The following ORC3 variants were observed in gnomAD, a reference collection of about 807,000 sequenced individuals.
The protein encoded by ORC3 is origin recognition complex subunit 3.
Under a neutral mutation model 100.7 loss-of-function variants are expected in ORC3, and 78 were observed. That is an observed-to-expected ratio of 0.77 (90% CI 0.65 to 0.94). The LOEUF (loss-of-function observed/expected upper bound fraction) is 0.94. Ranked by LOEUF, ORC3 falls within the 40% of genes least tolerant of loss-of-function variation. The pLI, the probability that ORC3 is intolerant of heterozygous loss-of-function variation, is 0.00. For synonymous variants in ORC3, 295 were observed against 289.3 expected (o/e 1.02, Z -0.20); for missense variants, 789 against 823.9 (o/e 0.96, Z 0.52).
the ORC3 span, chr6:87,675,096 A>G: frequency 6.5e-6 from 1 of 153,374 alleles, no homozygotes; most frequent in Non-Finnish European, 1.5e-5. Flanking sequence ...TGAAACCCCA[A>G]GAAGTCCTGG....
intron 2 of ORC3, among the ~76,000 whole-genome samples, chr6:87,598,278 C>T (rs1777614672): frequency 2.0e-5 from 3 of 152,168 alleles, no homozygotes; most frequent in Admixed American, 2.0e-4. Flanking sequence ...CTGCCTTGGC[C>T]TCCCAAAGCG....
At chr6:87,593,137 C>G (rs1777167643) in intron 1 of ORC3, among the ~76,000 whole-genome samples, 1 of 152,024 alleles carries the variant, frequency 6.6e-6, no homozygotes, top group Non-Finnish European at 1.5e-5. Flanking sequence ...AGCTATCCAT[C>G]ATGTATGACT....
intron 9 of ORC3, among the ~76,000 whole-genome samples, chr6:87,617,206 CAT>C (rs1491563346): frequency 2.0e-5 from 3 of 152,002 alleles, no homozygotes; most frequent in Admixed American, 6.6e-5. Flanking sequence ...CTGGACCATG[CAT>C]GTGTGTGTGT....
the ORC3 span, chr6:87,676,044 A>G: frequency 1.2e-6 from 1 of 826,098 alleles, no homozygotes; most frequent in South Asian, 1.7e-5. Context: ...AATCACTTAC[A>G]TAACCTCAGT....
intron 8 of ORC3, 85 bp downstream of exon 8, chr6:87,612,333 C>A: frequency 1.2e-6 from 1 of 807,154 alleles, no homozygotes. Context: ...TAACAATAAG[C>A]CTCTACAACT....
At chr6:87,609,257 G>T in intron 7 of ORC3, 28 bp downstream of exon 7, 1 of 1,490,938 alleles carries the variant, frequency 6.7e-7, no homozygotes, top group Non-Finnish European at 9.0e-7. Flanking sequence ...TGGCTTTTAT[G>T]AAAAACTCCC....
the ORC3 span, among the ~76,000 whole-genome samples, chr6:87,673,665 ACC>A: frequency 5.9e-5 from 9 of 151,776 alleles, no homozygotes; most frequent in Admixed American, 1.3e-4. Flanking sequence ...ACATGGTGAA[ACC>A]CCGTCTCTAC....
At chr6:87,638,153 G>T (rs1176028116) in intron 13 of ORC3, among the ~76,000 whole-genome samples, 2 of 152,198 alleles carry the variant, frequency 1.3e-5, no homozygotes, top group Admixed American at 6.5e-5. Flanking sequence ...CTAAGCTGAG[G>T]TCAGAAACAT....
chr6:87,656,969 A>C lies in ORC3; in HGVS notation c.1580A>C (p.Tyr527Ser). The C allele has an allele frequency of 6.2e-7, 1 of 1,608,944 alleles. No homozygotes were observed. Among genetic ancestry groups the C allele is most frequent in the South Asian group, 1.1e-5 (1 of 91,008 alleles). Residue 527 changes from tyrosine to serine, a missense_variant, in exon 15 of 20, where the codon TAT becomes TCT. Coordinates refer to ENST00000392844, the MANE Select transcript of ORC3 (RefSeq NM_012381.4). Reference protein sequence around the residue: ...QPKGLQKTDLYHLQKSLLEMK... With the variant: ...QPKGLQKTDLSHLQKSLLEMK... ...AAGGGGCTTCAGAAGACAGACCTCT[A>C]TCATCTTCAGAAGGTCAGGTCACTC...
chr6:87,664,760 C>A lies in ORC3; in HGVS notation c.1851C>A (p.Ser617Arg). Reference protein sequence around the residue: ...YYYLKNEALKSEEGCIPNIAP... With the variant: ...YYYLKNEALKREEGCIPNIAP... ...ATTGTTAGAATGAAGCACTGAAAAG[C>A]GAAGAAGGCTGCATTCCGAATATCG... Residue 617 changes from serine to arginine, a missense_variant, in exon 18 of 20, where the codon AGC becomes AGA. Physicochemically the swap from Ser to Arg is moderately radical, Grantham distance 110 (BLOSUM62 -1). Around this residue, in one of 3 missense-constraint regions of ORC3, gnomAD observed 366 missense variants for 394.2 expected, o/e 0.93. Transcript: ENST00000392844. The A allele has an allele frequency of 6.2e-7, 1 of 1,613,686 alleles. No individual in the cohort carries two copies. Among genetic ancestry groups the A allele is most frequent in the Non-Finnish European group, 8.5e-7 (1 of 1,179,686 alleles).
chr6:87,625,500 A>C (rs1478240772), intron 11 of ORC3, among the ~76,000 whole-genome samples: 1 of 152,164 alleles, frequency 6.6e-6, no homozygotes, highest in East Asian at 1.9e-4. Flanking sequence ...TCTTCTTTTG[A>C]GAAGTGTCTG....
chr6:87,676,596 A>AACACACGCACGCGCGCGCGCACACAC, the ORC3 span, among the ~76,000 whole-genome samples: 1 of 142,046 alleles, frequency 7.0e-6, no homozygotes, highest in African/African-American at 2.7e-5. Flanking sequence ...CTCTACTAAA[A>AACACACGCACGCGCGCGCGCACACAC]ACACACACAC....
In ORC3 at chr6:87,597,837, A is replaced by T. The variant is rs185414564; in HGVS notation, c.79+3430A>T. Among the ~76,000 whole-genome samples the T allele has an allele frequency of 3.8e-3, 582 of 151,488 alleles. 2 individuals are homozygous for T. The highest frequency in any genetic ancestry group is 6.3e-3 in the Non-Finnish European group (428 of 67,782). On this transcript the variant is annotated intron_variant, in intron 2 of 19. Transcript: ENST00000392844. ...CCAAAGTGCTGGGATTACAGGCGTG[A>T]GTCACCATGCCTGGCCACACATTTC...
intron 13 of ORC3, among the ~76,000 whole-genome samples, chr6:87,638,359 A>C (rs954438559): frequency 1.3e-5 from 2 of 152,180 alleles, no homozygotes; most frequent in Non-Finnish European, 1.5e-5. Flanking sequence ...AGGCATTCTC[A>C]ATAGGCATCA....
At chr6:87,662,921 T>G in intron 16 of ORC3, 82 bp from the exon 17 acceptor site, 2 of 893,814 alleles carry the variant, frequency 2.2e-6, no homozygotes, top group Non-Finnish European at 3.0e-6. Flanking sequence ...CAACAGAGCT[T>G]AAAGGAAAAA....
At chr6:87,663,884 G>GT (rs775535947) in intron 17 of ORC3, among the ~76,000 whole-genome samples, 4 of 152,130 alleles carry the variant, frequency 2.6e-5, no homozygotes, top group Non-Finnish European at 5.9e-5. Context: ...AAACAACTCC[G>GT]TAAGACCTAT....
At chr6:87,616,786 A>G (rs1779185201) in intron 9 of ORC3, among the ~76,000 whole-genome samples, 1 of 151,682 alleles carries the variant, frequency 6.6e-6, no homozygotes, top group African/African-American at 2.4e-5. Flanking sequence ...GTAAAGGGCC[A>G]GATATTAAAC....
At chr6:87,612,305 G>A in intron 8 of ORC3, 57 bp downstream of exon 8, 2 of 1,203,482 alleles carry the variant, frequency 1.7e-6, no homozygotes, top group East Asian at 2.4e-5. Context: ...GCCAATAATA[G>A]ATTGTTAAGA....
At chr6:87,604,870 A>G (rs1386145830) in intron 4 of ORC3, among the ~76,000 whole-genome samples, 5 of 152,094 alleles carry the variant, frequency 3.3e-5, no homozygotes, top group Admixed American at 6.6e-5. Context: ...ATGGTTTATT[A>G]TTGCTGGCAT....
Sources: allele counts gnomAD v4.1 joint callset (sites outside exome capture counted in the v4.1 genomes callset), GRCh38; gene constraint gnomAD v4.1.1; regional missense constraint gnomAD v4.1.1; transcripts MANE v1.5; gene names NCBI Gene and HGNC (gene_info 2026-07-23, HGNC 2026-07-21).